FRAS1: variants seen among roughly 807,000 people sequenced by gnomAD.
The protein encoded by FRAS1 is Fraser extracellular matrix complex subunit 1, also known as extracellular matrix organizing protein FRAS1.
In FRAS1, 290 loss-of-function variants were observed where a neutral mutation model predicts 435.2. The observed-to-expected ratio is 0.67, with a 90% CI of 0.61 to 0.73. The LOEUF is 0.73. Among genes scored for constraint, FRAS1 ranks in the 30% least tolerant of loss-of-function variants. The probability of loss-of-function intolerance (pLI) is 0.00; values close to 1 mark genes in which losing one functional copy is unlikely to be tolerated. For synonymous variants in FRAS1, 1,800 were observed against 1,851.0 expected, an observed-to-expected ratio of 0.97 and a Z score of 0.71; for missense variants, 4,860 against 5,001.5, an observed-to-expected ratio of 0.97 and a Z score of 0.85.
intron 19 of FRAS1, among the ~76,000 whole-genome samples, chr4:78,335,047 A>C (rs1166299015): frequency 2.0e-5 from 3 of 152,052 alleles, no homozygotes; most frequent in African/African-American, 4.8e-5. Context: ...GGTGTGAGTC[A>C]CTGTATCTGG....
chr4:78,476,990 A>T (rs201580620), intron 54 of FRAS1, among the ~76,000 whole-genome samples: 40 of 1,208 alleles, frequency 0.033, no homozygotes, highest in South Asian at 0.25. Context: ...CTTTCTTTTT[A>T]AAAAAAAAAA....
rs1164118714 is a variant in FRAS1, at chr4:78,372,802, G to C, written c.2954G>C (p.Gly985Ala). 1.2e-6 allele frequency: 2 copies of C among 1,613,082 alleles called. No individual in the cohort carries two copies. Among genetic ancestry groups the C allele is most frequent in the Admixed American group, 3.3e-5 (2 of 60,012 alleles). The change falls in exon 24 of 74, where the codon GGG becomes GCG. Residue 985 changes from glycine to alanine, a missense_variant. Gly to Ala is a moderately conservative substitution (Grantham distance 60). Transcript: ENST00000512123. ...ATGGATGGCTATGTTCTCCAGGATG[G>C]GGCCTGCGTGGAGCAGTGCTTGTCA... Reference protein sequence around the residue: ...QCMDGYVLQDGACVEQCLSSF... With the variant: ...QCMDGYVLQDAACVEQCLSSF...
At chr4:78,247,090 C>A (rs1725281255) in intron 4 of FRAS1, among the ~76,000 whole-genome samples, 1 of 152,082 alleles carries the variant, frequency 6.6e-6, no homozygotes, top group Non-Finnish European at 1.5e-5. Flanking sequence ...TGGTCATTAA[C>A]CAGTGTGGCT....
intron 47 of FRAS1, among the ~76,000 whole-genome samples, chr4:78,458,075 G>T (rs972154624): frequency 6.6e-6 from 1 of 152,178 alleles, no homozygotes; most frequent in African/African-American, 2.4e-5. Flanking sequence ...AGAACTTCCA[G>T]GTAATGTCCT....
intron 2 of FRAS1, among the ~76,000 whole-genome samples, chr4:78,088,462 A>G (rs1301528787): frequency 1.3e-5 from 2 of 151,706 alleles, no homozygotes; most frequent in Admixed American, 6.6e-5. Context: ...TCTGCACAGC[A>G]AAAGAAACTA....
Position 78,424,373 on chromosome 4 carries a change from C to T in FRAS1, c.4679-15C>T, listed in dbSNP as rs545000854. The T allele has an allele frequency of 1.4e-6, 2 of 1,437,314 alleles. No homozygotes were observed. Among genetic ancestry groups the T allele is most frequent in the Admixed American group, 2.3e-5 (1 of 42,596 alleles). The allele number at this position is 1,437,314 out of a possible 1,614,324, so 89.0% of individuals were successfully genotyped here. On this transcript the variant is annotated splice_polypyrimidine_tract_variant and intron_variant, in intron 34 of 73. Transcript: ENST00000512123. ...AAAGTGTTTAATATACTGATTGTCT[C>T]TCTTACTCTTTTAGGTCTCCCAGAA...
At chr4:78,243,192 A>C (rs35144838) in intron 3 of FRAS1, among the ~76,000 whole-genome samples, 142,378 of 150,560 alleles carry the variant, frequency 0.95, 67,336 homozygotes, top group East Asian at 1. Context: ...CTCTCTCTAT[A>C]TATATATATG....
At chr4:78,169,141 A>C (rs1396833668) in intron 2 of FRAS1, among the ~76,000 whole-genome samples, 2 of 152,136 alleles carry the variant, frequency 1.3e-5, no homozygotes, top group Non-Finnish European at 2.9e-5. Flanking sequence ...GACTTGAGCC[A>C]TTCAGAATGA....
chr4:78,267,540 T>G, intron 9 of FRAS1, 108 bp downstream of exon 9: 1 of 1,000,268 alleles, frequency 1.0e-6, no homozygotes, highest in Non-Finnish European at 1.5e-6. Flanking sequence ...ATGTCCACAT[T>G]GACTTCTCAC....
chr4:78,532,772 T>C (rs1291583948), intron 70 of FRAS1, among the ~76,000 whole-genome samples: 1 of 152,228 alleles, frequency 6.6e-6, no homozygotes, highest in East Asian at 1.9e-4. Context: ...CATAGTATAA[T>C]GTCTTTCAGG....
At chr4:78,326,742 G>C (rs1729733707) in intron 18 of FRAS1, among the ~76,000 whole-genome samples, 1 of 152,148 alleles carries the variant, frequency 6.6e-6, no homozygotes, top group Non-Finnish European at 1.5e-5. Flanking sequence ...GAAGGATAAA[G>C]GGTGGAACTG....
Position 78,315,851 on chromosome 4 carries a change from T to C in FRAS1, c.1819+117T>C. On this transcript the variant is annotated intron_variant, in intron 16 of 73. Coordinates refer to ENST00000512123, the MANE Select transcript of FRAS1 (RefSeq NM_025074.7). ...AGTGTATGATGGGAAAGCATAACTTTAAAAGATAGCTTTTTTCATTATGAA... is the reference window on the plus strand; with the variant it reads ...AGTGTATGATGGGAAAGCATAACTTCAAAAGATAGCTTTTTTCATTATGAA... 4 of 1,115,760 alleles carry C rather than the reference T, an allele frequency of 3.6e-6. No homozygotes were observed. In the Admixed American group the frequency reaches 8.3e-5, roughly 23 times the overall value. 69.1% of individuals were successfully genotyped at this position (1,115,760 alleles called of 1,614,324 possible).
At position 78,239,402 on chromosome 4, in the gene FRAS1, A is replaced by G. The variant is rs541614289; in HGVS notation, c.216+1785A>G. Among the ~76,000 whole-genome samples the G allele has an allele frequency of 2.6e-5, 4 of 152,188 alleles. No individual in the cohort carries two copies. In the South Asian group the frequency reaches 8.3e-4, roughly 32 times the overall value. ...TTGCTGTCAGTCTGGTTCCATTATT[A>G]TCATCCTTTTGTCTGTATTCTCACA... On this transcript the variant is annotated intron_variant, in intron 3 of 73. Coordinates refer to ENST00000512123, the MANE Select transcript of FRAS1 (RefSeq NM_025074.7).
In FRAS1 at chr4:78,479,507, C is replaced by T. The variant is rs549631004; in HGVS notation, c.8232C>T (p.Phe2744=). The change falls in exon 56 of 74, where the codon TTC becomes TTT. Residue 2744 remains phenylalanine (F), a synonymous_variant. Coordinates refer to ENST00000512123, the MANE Select transcript of FRAS1 (RefSeq NM_025074.7). ...TGTCTGCCGCGAGTCGTGTGATATTCGGGCCTGGTGTGACCATGTCCACCT... is the reference window on the plus strand; with the variant it reads ...TGTCTGCCGCGAGTCGTGTGATATTTGGGCCTGGTGTGACCATGTCCACCT... ...RGMSAASRVI[F]GPGVTMSTCD... is the part of the protein sequence containing the mutation. 3.7e-6 allele frequency: 6 copies of T among 1,613,108 alleles called. No individual in the cohort carries two copies. The highest frequency in any genetic ancestry group is 2.7e-5 in the African/African-American group (2 of 75,022).
Position 78,466,399 on chromosome 4 carries a change from A to G in FRAS1, c.7221A>G (p.Thr2407=). 2 of 1,613,932 alleles carry G rather than the reference A, an allele frequency of 1.2e-6. No homozygotes were observed. Among genetic ancestry groups the G allele is most frequent in the Non-Finnish European group, 8.5e-7 (1 of 1,179,836 alleles). Residue 2407 remains threonine (T), a synonymous_variant, in exon 50 of 74, where the codon ACA becomes ACG. Transcript: ENST00000512123. ...DRFTFTVSDG[T]NPFFIIEEGG... ...TCACCTTCACTGTTTCTGATGGGACAAACCCCTTCTTTATCATTGAGGAAG... is the reference window on the plus strand; with the variant it reads ...TCACCTTCACTGTTTCTGATGGGACGAACCCCTTCTTTATCATTGAGGAAG...
At chr4:78,123,903 A>C (rs896267287) in intron 2 of FRAS1, among the ~76,000 whole-genome samples, 7 of 152,226 alleles carry the variant, frequency 4.6e-5, no homozygotes, top group Admixed American at 2.0e-4. Flanking sequence ...TTTTAAACAT[A>C]CAATCAAGTC....
chr4:78,113,639 T>C (rs1159903409), intron 2 of FRAS1, among the ~76,000 whole-genome samples: 3 of 152,250 alleles, frequency 2.0e-5, no homozygotes, highest in African/African-American at 7.2e-5. Context: ...TTGAGAAATG[T>C]CTGTTCATAT....
intron 56 of FRAS1, 56 bp downstream of exon 56, chr4:78,479,774 C>G (rs934425818): frequency 5.3e-6 from 7 of 1,318,720 alleles, no homozygotes; most frequent in Non-Finnish European, 6.2e-6. Flanking sequence ...CTTTCTTGAG[C>G]AGTTTTCTCC....
intron 28 of FRAS1, among the ~76,000 whole-genome samples, chr4:78,385,471 A>G (rs1732183840): frequency 1.3e-5 from 2 of 152,228 alleles, no homozygotes; most frequent in African/African-American, 4.8e-5. Context: ...TTAATAGCCC[A>G]GTTCACCTCT....
Sources: gnomAD v4.1 joint callset for allele counts (sites outside exome capture counted in the v4.1 genomes callset) on GRCh38, gnomAD v4.1.1 for gene constraint, MANE v1.5 for transcripts, NCBI Gene and HGNC (gene_info 2026-07-23, HGNC 2026-07-21) for gene names.